The following CDK17 variants were observed in gnomAD, a reference collection of about 807,000 sequenced individuals.
CDK17 encodes the protein cyclin dependent kinase 17, also known as cyclin-dependent kinase 17.
CDK17 carries 24 observed loss-of-function variants against 77.6 expected under a neutral mutation model. The ratio of observed to expected loss-of-function variants is 0.31; its 90% confidence interval spans 0.22 to 0.44. The LOEUF is 0.44. Among genes scored for constraint, CDK17 ranks in the 20% least tolerant of loss-of-function variants. CDK17 has a pLI of 1.00. For synonymous variants in CDK17, 203 were observed against 210.4 expected (o/e 0.96, Z 0.30); for missense variants, 429 against 622.5 (o/e 0.69, Z 3.31).
Position 96,279,083 on chromosome 12 carries a change from TAA to T in CDK17, c.*1157_*1158del, listed in dbSNP as rs912472453. Reference sequence around the variant, plus strand: ...TAAGATGCACTAAACAAATAGTCCTTAAAAGTGAACAAAAATGCTTAAAATAC... The same window carrying T: ...TAAGATGCACTAAACAAATAGTCCTTAAGTGAACAAAAATGCTTAAAATAC... On this transcript the variant is annotated 3_prime_UTR_variant, in exon 17 of 17. Transcript: ENST00000261211. 6 of 152,706 alleles carry T rather than the reference TAA, an allele frequency of 3.9e-5. No homozygotes were observed. The highest frequency in any genetic ancestry group is 1.4e-4 in the African/African-American group (6 of 41,588). 9.5% of individuals were successfully genotyped at this position (152,706 alleles called of 1,614,324 possible).
intron 10 of CDK17, among the ~76,000 whole-genome samples, chr12:96,294,514 C>G (rs150691597): frequency 0.011 from 1,504 of 131,962 alleles, 46 homozygotes; most frequent in Admixed American, 0.085. Flanking sequence ...ACCTGGGAGG[C>G]AGAGGTTGCA....
intron 10 of CDK17, 105 bp from the exon 11 acceptor site, chr12:96,289,392 T>C (rs1952290305): frequency 2.4e-6 from 3 of 1,273,684 alleles, no homozygotes; most frequent in South Asian, 1.3e-5. Context: ...AAATGGTTAA[T>C]TCGTAGCTTC....
rs1388433032 is a variant in CDK17 at position 96,334,659 on chromosome 12, A to G, written c.118+60T>C. On this transcript the variant is annotated intron_variant, in intron 2 of 16. Transcript: ENST00000261211. ...ATGAACTTATCTAAAAAGTAAATTT[A>G]CATTCTATTCATAAAGTAATTAAAA... The G allele has an allele frequency of 3.2e-5, 28 of 869,844 alleles. No homozygotes were observed. In the Admixed American group the frequency reaches 5.7e-4, roughly 18 times the overall value. 53.9% of individuals were successfully genotyped at this position (869,844 alleles called of 1,614,324 possible).
At chr12:96,299,442 G>A (rs548220060) in intron 6 of CDK17, among the ~76,000 whole-genome samples, 138 of 146,630 alleles carry the variant, frequency 9.4e-4, no homozygotes, top group African/African-American at 3.5e-3. Flanking sequence ...CCAGGCTAGA[G>A]TGCAGTGGCA....
At position 96,349,192 on chromosome 12, in the gene CDK17, G is replaced by A. The variant is rs188722275; in HGVS notation, c.-29-14327C>T. ...AATGTAGCCAGGCGCAGTGGCTCAC[G>A]CCCATAATCTCAGAACTTTGGGAGG... On this transcript the variant is annotated intron_variant, in intron 1 of 16. Coordinates refer to ENST00000261211, the MANE Select transcript of CDK17 (RefSeq NM_002595.5). Among the ~76,000 whole-genome samples, 230 of 152,292 alleles carry A rather than the reference G, an allele frequency of 1.5e-3. 2 individuals are homozygous for A. Among genetic ancestry groups the A allele is most frequent in the Non-Finnish European group, 1.9e-3 (127 of 68,024 alleles).
chr12:96,313,078 TTAAAA>T (rs140308839), intron 4 of CDK17, among the ~76,000 whole-genome samples: 3,527 of 152,166 alleles, frequency 0.023, 52 homozygotes, highest in Middle Eastern at 0.054. Flanking sequence ...TCGCAAAAAA[TTAAAA>T]TAAAATGTTT....
At chr12:96,342,191 A>G (rs774481934) in intron 1 of CDK17, among the ~76,000 whole-genome samples, 3 of 152,234 alleles carry the variant, frequency 2.0e-5, no homozygotes, top group Non-Finnish European at 4.4e-5. Context: ...AACGATGACT[A>G]TAAATAAAAA....
Position 96,399,607 on chromosome 12 carries a change from C to G in CDK17, c.-30+379G>C, listed in dbSNP as rs1038222102. ...ACCCCCGCCGAGGGGACCTTTGTGT[C>G]TCGGGGGACTTTCTGCCTCTTTCCC... On this transcript the variant is annotated intron_variant, in intron 1 of 16. Coordinates refer to ENST00000261211, the MANE Select transcript of CDK17 (RefSeq NM_002595.5). Among the ~76,000 whole-genome samples the G allele has an allele frequency of 9.0e-4, 137 of 152,124 alleles. 1 individual carries two copies. The highest frequency in any genetic ancestry group is 5.2e-3 in the Admixed American group (79 of 15,290).
chr12:96,355,530 G>A (rs531240470), intron 1 of CDK17, among the ~76,000 whole-genome samples: 1 of 148,898 alleles, frequency 6.7e-6, no homozygotes, highest in Non-Finnish European at 1.5e-5. Context: ...TCAGCCTCCA[G>A]AGTAGCTGGG....
At chr12:96,282,296 C>A in intron 15 of CDK17, 1 of 468,742 alleles carries the variant, frequency 2.1e-6, no homozygotes, top group Admixed American at 3.7e-5. Context: ...TATTGGTTTC[C>A]TACAGAGGAG....
chr12:96,367,344 CAAAAAAAAA>C (rs56689330), intron 1 of CDK17, among the ~76,000 whole-genome samples: 836 of 63,554 alleles, frequency 0.013, 5 homozygotes, highest in Middle Eastern at 0.037. Flanking sequence ...GACTCCACCT[CAAAAAAAAA>C]AAAAAAAAAA....
At chr12:96,353,714 A>T (rs1953350452) in intron 1 of CDK17, among the ~76,000 whole-genome samples, 1 of 152,114 alleles carries the variant, frequency 6.6e-6, no homozygotes, top group South Asian at 2.1e-4. Context: ...GAGATTTGCT[A>T]GGTTAGTTTC....
intron 1 of CDK17, among the ~76,000 whole-genome samples, chr12:96,339,768 A>G (rs1198238637): frequency 6.6e-6 from 1 of 151,896 alleles, no homozygotes; most frequent in Admixed American, 6.6e-5. Context: ...TGTCTCTACT[A>G]AAAATATAAA....
chr12:96,305,366 T>C (rs181419256), intron 5 of CDK17, among the ~76,000 whole-genome samples: 8 of 152,326 alleles, frequency 5.3e-5, no homozygotes, highest in Admixed American at 1.3e-4. Context: ...TGTACCAATG[T>C]TGGTTCCTTA....
At chr12:96,311,976 A>G (rs988733495) in intron 4 of CDK17, among the ~76,000 whole-genome samples, 3 of 152,206 alleles carry the variant, frequency 2.0e-5, no homozygotes, top group African/African-American at 7.2e-5. Context: ...AAAATAAGAA[A>G]GAGTATATGT....
At chr12:96,342,309 A>T (rs117553856) in intron 1 of CDK17, among the ~76,000 whole-genome samples, 1,906 of 152,362 alleles carry the variant, frequency 0.013, 24 homozygotes, top group Non-Finnish European at 0.021. Flanking sequence ...TAGGACATGT[A>T]AGCTAATCAT....
At chr12:96,297,524 A>G in intron 8 of CDK17, 103 bp downstream of exon 8, 3 of 873,038 alleles carry the variant, frequency 3.4e-6, no homozygotes, top group Non-Finnish European at 5.6e-6. Flanking sequence ...AATTTAGCTA[A>G]GCACAGCTGC....
intron 1 of CDK17, among the ~76,000 whole-genome samples, chr12:96,348,802 G>A (rs1014548662): frequency 2.0e-5 from 3 of 152,074 alleles, no homozygotes; most frequent in South Asian, 2.1e-4. Context: ...CCTAAGAAGT[G>A]AGCTGACAAT....
At position 96,286,647 on chromosome 12, in the gene CDK17, A is replaced by G. The variant is rs751158291; in HGVS notation, c.1216+17T>C. On this transcript the variant is annotated intron_variant, in intron 12 of 16. Transcript: ENST00000261211. Reference sequence around the variant, plus strand: ...ATTATGGGTGCAAAATCACTGGGAAAAGATTTCTTCTGTTACCTAGCAGTC... The same window carrying G: ...ATTATGGGTGCAAAATCACTGGGAAGAGATTTCTTCTGTTACCTAGCAGTC... The G allele has an allele frequency of 1.1e-5, 18 of 1,589,576 alleles. No individual in the cohort carries two copies. The South Asian group carries it at 1.9e-4, about 17-fold the overall frequency.
Sources: gnomAD v4.1 joint callset for allele counts (sites outside exome capture counted in the v4.1 genomes callset) on GRCh38, gnomAD v4.1.1 for gene constraint, MANE v1.5 for transcripts, NCBI Gene and HGNC (gene_info 2026-07-23, HGNC 2026-07-21) for gene names.